Variants in NLRP14 observed in about 807,000 individuals in gnomAD.
NLRP14 encodes the protein NACHT, LRR and PYD domains-containing protein 14.
In NLRP14, 105 loss-of-function variants were observed where a neutral mutation model predicts 94.7. The observed-to-expected ratio is 1.11, with a 90% confidence interval of 0.95 to 1.30. NLRP14 has a LOEUF of 1.30. Ranked by LOEUF, NLRP14 falls within the 50% of genes most tolerant of loss-of-function variation. The pLI is 0.00. For missense variants in NLRP14, 1,362 were observed against 1,254.1 expected, an observed-to-expected ratio of 1.09 and a Z score of -1.30; for synonymous variants, 508 against 459.9, an observed-to-expected ratio of 1.10 and a Z score of -1.34.
chr11:7,074,466 G>T (rs562630214), downstream of NLRP14, among the ~76,000 whole-genome samples: 6 of 152,292 alleles, frequency 3.9e-5, no homozygotes, highest in South Asian at 1.2e-3. Context: ...TGCAGTCATC[G>T]TCTCATCCTT....
At chr11:7,088,170 G>C in the NLRP14 span, among the ~76,000 whole-genome samples, 2 of 152,110 alleles carry the variant, frequency 1.3e-5, no homozygotes, top group East Asian at 3.8e-4. Context: ...AGTATATATG[G>C]AACATTAATT....
the NLRP14 span, among the ~76,000 whole-genome samples, chr11:7,080,810 C>T: frequency 6.6e-6 from 1 of 152,294 alleles, no homozygotes; most frequent in African/African-American, 2.4e-5. Context: ...CAGTCAAAGA[C>T]AGGTTTTCTT....
intron 1 of NLRP14, among the ~76,000 whole-genome samples, chr11:7,033,705 A>G (rs1852125904): frequency 6.6e-6 from 1 of 152,198 alleles, no homozygotes; most frequent in South Asian, 2.1e-4. Flanking sequence ...AATTCTAAGG[A>G]CAAGAGGTTT....
At chr11:7,073,697 T>C (rs181212289), downstream of NLRP14, among the ~76,000 whole-genome samples, 210 of 152,322 alleles carry the variant, frequency 1.4e-3, no homozygotes, top group Middle Eastern at 3.4e-3. Context: ...ACTTTGCTTA[T>C]GTTTACCCAT....
At chr11:7,034,826 A>T (rs1001437830) in intron 1 of NLRP14, among the ~76,000 whole-genome samples, 4 of 152,264 alleles carry the variant, frequency 2.6e-5, no homozygotes, top group Admixed American at 1.3e-4. Context: ...TATTATGAGG[A>T]TACTAATTAA....
chr11:7,090,226 G>C, the NLRP14 span: 2 of 1,611,438 alleles, frequency 1.2e-6, no homozygotes, highest in Non-Finnish European at 1.7e-6. Context: ...AGCCGGTCAG[G>C]CTGCAGGGTG....
chr11:7,028,583 G>A (rs1375648936), intron 1 of NLRP14, among the ~76,000 whole-genome samples: 1 of 152,080 alleles, frequency 6.6e-6, no homozygotes, highest in Admixed American at 6.5e-5. Context: ...TGGCTTCCTA[G>A]TTTACTCAGA....
downstream of NLRP14, among the ~76,000 whole-genome samples, chr11:7,074,525 T>C (rs1436576348): frequency 6.6e-6 from 1 of 152,220 alleles, no homozygotes; most frequent in Non-Finnish European, 1.5e-5. Flanking sequence ...CCAACAAAGG[T>C]AAATGTTTCT....
At chr11:7,029,154 C>A (rs181391969) in intron 1 of NLRP14, among the ~76,000 whole-genome samples, 1 of 152,260 alleles carries the variant, frequency 6.6e-6, no homozygotes, top group East Asian at 1.9e-4. Context: ...AAGGAAGTCT[C>A]TCAAACTCTT....
chr11:7,078,209 C>T, the NLRP14 span, among the ~76,000 whole-genome samples: 444 of 151,658 alleles, frequency 2.9e-3, 4 homozygotes, highest in African/African-American at 9.3e-3. Flanking sequence ...GAGGCCAAGA[C>T]GGGTGGATCA....
the NLRP14 span, chr11:7,089,100 C>CCGACCGTT: frequency 6.2e-7 from 1 of 1,609,064 alleles, no homozygotes. Context: ...CCGCCACTGA[C>CCGACCGTT]CGACCGTTCG....
intron 6 of NLRP14, among the ~76,000 whole-genome samples, chr11:7,053,070 C>G (rs934371018): frequency 6.6e-6 from 1 of 152,054 alleles, no homozygotes; most frequent in Non-Finnish European, 1.5e-5. Context: ...ACTTTTTGAA[C>G]AGAAATAATA....
chr11:7,044,749 T>C (rs1358491205), intron 4 of NLRP14, among the ~76,000 whole-genome samples: 3 of 152,158 alleles, frequency 2.0e-5, no homozygotes, highest in African/African-American at 4.8e-5. Flanking sequence ...CTATGTGCTA[T>C]ATAGTTGTAT....
chr11:7,071,172 G>A lies in NLRP14; in HGVS notation c.3147-1G>A, dbSNP rs754331340. 1.2e-6 allele frequency: 2 copies of A among 1,613,858 alleles called. No individual in the cohort carries two copies. Among genetic ancestry groups the A allele is most frequent in the Admixed American group, 3.3e-5 (2 of 59,988 alleles). ...AAAGAGATGTTCCCTTGTTTTCTCA[G>A]GTTGTGCAAAGAGGCATTTGATGAG... On this transcript the variant is annotated splice_acceptor_variant, in intron 11 of 11. Coordinates refer to ENST00000299481, the MANE Select transcript of NLRP14 (RefSeq NM_176822.4). LOFTEE classifies it high-confidence loss of function.
the NLRP14 span, chr11:7,089,506 A>T: frequency 1.6e-6 from 2 of 1,228,448 alleles, no homozygotes; most frequent in Non-Finnish European, 2.0e-6. Context: ...GGGCCCGATG[A>T]TGACGGCGGC....
At chr11:7,090,417 A>G in the NLRP14 span, 1 of 1,290,458 alleles carries the variant, frequency 7.7e-7, no homozygotes, top group Non-Finnish European at 1.1e-6. Flanking sequence ...ACCTTTTAAG[A>G]ATTTCCTGTT....
At chr11:7,073,944 C>T (rs1852837474), downstream of NLRP14, among the ~76,000 whole-genome samples, 1 of 152,146 alleles carries the variant, frequency 6.6e-6, no homozygotes, top group African/African-American at 2.4e-5. Context: ...TCAGCATCCC[C>T]TTGCTTCTTT....
intron 4 of NLRP14, among the ~76,000 whole-genome samples, chr11:7,045,856 G>T (rs1852340495): frequency 1.3e-5 from 2 of 151,832 alleles, no homozygotes; most frequent in African/African-American, 4.8e-5. Flanking sequence ...AATTTTCACA[G>T]TTGTCCTAAA....
rs1852637661 is a variant in NLRP14, at chr11:7,062,421, G to A, written c.2893G>A (p.Gly965Arg). Residue 965 changes from glycine to arginine, a missense_variant, in exon 10 of 12, where the codon GGG (glycine) becomes AGG (arginine). Transcript: ENST00000299481. ...CCCAAACCTGAGGAGCCTGGACCTT[G>A]GGAACAACGATTTGCAGGATGATGG... ...NNPNLRSLDLGNNDLQDDGVK... is the reference protein window; with the variant it reads ...NNPNLRSLDLRNNDLQDDGVK... 6.2e-7 allele frequency: 1 copy of A among 1,613,140 alleles called. No individual in the cohort carries two copies.
Sources: allele counts gnomAD v4.1 joint callset (sites outside exome capture counted in the v4.1 genomes callset), GRCh38; gene constraint gnomAD v4.1.1; transcripts MANE v1.5; gene names NCBI Gene and HGNC (gene_info 2026-07-23, HGNC 2026-07-21).